CHLSN: variants seen among roughly 807,000 people sequenced by gnomAD.
CHLSN encodes the protein protein cholesin.
chr7:1,127,186 C>G, the CHLSN span: 1 of 1,500,274 alleles, frequency 6.7e-7, no homozygotes, highest in South Asian at 1.4e-5. Context: ...GCTGAGCCAC[C>G]CCCTCTCCCT....
the CHLSN span, among the ~76,000 whole-genome samples, chr7:1,071,401 C>T: frequency 1.3e-5 from 2 of 152,168 alleles, no homozygotes; most frequent in African/African-American, 4.8e-5. Context: ...GTCTCAGGTG[C>T]GCTGAGAGGA....
chr7:1,058,405 G>C, the CHLSN span: 4 of 780,516 alleles, frequency 5.1e-6, no homozygotes, highest in Non-Finnish European at 9.6e-6. Context: ...CTTCTCTACC[G>C]CTACATGAAC....
the CHLSN span, chr7:1,059,375 C>T: frequency 2.0e-5 from 3 of 152,660 alleles, no homozygotes; most frequent in Admixed American, 1.3e-4. Flanking sequence ...TAGGCCAGCT[C>T]CGAAGGCACC....
chr7:1,005,904 A>C, the CHLSN span, among the ~76,000 whole-genome samples: 1 of 152,212 alleles, frequency 6.6e-6, no homozygotes, highest in Non-Finnish European at 1.5e-5. Context: ...CCGGCCCCCG[A>C]AAATGGTGAG....
At chr7:997,898 C>T in the CHLSN span, 6 of 1,210,640 alleles carry the variant, frequency 5.0e-6, no homozygotes, top group African/African-American at 1.6e-5. Flanking sequence ...GACACCCGGG[C>T]CTCAGGCTTC....
the CHLSN span, among the ~76,000 whole-genome samples, chr7:1,004,025 G>C: frequency 2.7e-5 from 4 of 150,256 alleles, no homozygotes; most frequent in Admixed American, 2.6e-4. Flanking sequence ...TCCTGCGGGT[G>C]GGGAGTCCTG....
the CHLSN span, among the ~76,000 whole-genome samples, chr7:1,069,512 G>A: frequency 7.0e-5 from 10 of 143,500 alleles, no homozygotes; most frequent in African/African-American, 1.1e-4. Context: ...GGCACGCGCC[G>A]CCACGCCTGA....
chr7:1,091,615 A>G, the CHLSN span: 3 of 877,782 alleles, frequency 3.4e-6, no homozygotes, highest in African/African-American at 3.4e-5. Context: ...CTGTCTGACA[A>G]ATGCCAGGCT....
chr7:1,005,262 G>C, the CHLSN span, among the ~76,000 whole-genome samples: 1 of 152,198 alleles, frequency 6.6e-6, no homozygotes, highest in Admixed American at 6.5e-5. Flanking sequence ...CTGCACTCCA[G>C]CCTGGCGACA....
the CHLSN span, chr7:1,010,274 GC>G: frequency 2.5e-6 from 2 of 795,258 alleles, no homozygotes; most frequent in Non-Finnish European, 1.9e-6. Flanking sequence ...ACTGGGTCTG[GC>G]CCCAGCCGAC....
chr7:1,127,387 C>A, the CHLSN span: 1 of 1,600,830 alleles, frequency 6.2e-7, no homozygotes, highest in Non-Finnish European at 8.5e-7. Context: ...TTTTGCCATC[C>A]TGCAACAGAG....
the CHLSN span, among the ~76,000 whole-genome samples, chr7:1,016,731 G>C: frequency 1.6e-5 from 2 of 124,076 alleles, 1 homozygote; most frequent in East Asian, 4.6e-4. Context: ...GCACACAGCA[G>C]CACACGCCAG....
At chr7:1,016,689 C>T in the CHLSN span, among the ~76,000 whole-genome samples, 2 of 124,796 alleles carry the variant, frequency 1.6e-5, no homozygotes, top group Non-Finnish European at 3.4e-5. Flanking sequence ...CAGGGCACAG[C>T]AGCGCATGCC....
At chr7:982,033 C>T in the CHLSN span, among the ~76,000 whole-genome samples, 2 of 152,148 alleles carry the variant, frequency 1.3e-5, no homozygotes, top group African/African-American at 4.8e-5. Flanking sequence ...GACCCTGTCT[C>T]AAAAACAAAA....
At chr7:1,035,656 T>G in the CHLSN span, among the ~76,000 whole-genome samples, 1 of 152,316 alleles carries the variant, frequency 6.6e-6, no homozygotes, top group Non-Finnish European at 1.5e-5. Flanking sequence ...GGTGAGGATG[T>G]GGAGCAACAG....
chr7:999,124 G>C, the CHLSN span, among the ~76,000 whole-genome samples: 7 of 152,138 alleles, frequency 4.6e-5, no homozygotes, highest in African/African-American at 1.4e-4. Flanking sequence ...GCTAACCAAG[G>C]ATTTGCCTAA....
At chr7:1,121,949 G>A in the CHLSN span, among the ~76,000 whole-genome samples, 2,584 of 151,236 alleles carry the variant, frequency 0.017, 66 homozygotes, top group African/African-American at 0.059. Flanking sequence ...ACTCACACAG[G>A]GCAGCGTGCT....
At chr7:1,053,798 G>C in the CHLSN span, among the ~76,000 whole-genome samples, 1 of 152,216 alleles carries the variant, frequency 6.6e-6, no homozygotes, top group Non-Finnish European at 1.5e-5. Flanking sequence ...CTGCACTCCA[G>C]CCTGGGCAAC....
chr7:999,591 A>C, the CHLSN span, among the ~76,000 whole-genome samples: 2 of 152,210 alleles, frequency 1.3e-5, no homozygotes, highest in African/African-American at 4.8e-5. Flanking sequence ...AAAAAACAAA[A>C]ACAACAAAAT....
Sources: gnomAD v4.1 joint callset for allele counts (sites outside exome capture counted in the v4.1 genomes callset) on GRCh38, gnomAD v4.1.1 for gene constraint, MANE v1.5 for transcripts, NCBI Gene and HGNC (gene_info 2026-07-23, HGNC 2026-07-21) for gene names.